The following HDAC9 variants were observed in gnomAD, a reference collection of about 807,000 sequenced individuals.
The protein encoded by HDAC9 is histone deacetylase 9, also known as MEF-2 interacting transcription repressor (MITR) protein.
A neutral mutation model predicts 139.4 loss-of-function variants in HDAC9; 41 were observed. That is an observed-to-expected ratio of 0.29 (90% CI 0.23 to 0.38). HDAC9 has a LOEUF of 0.38. Ranked by LOEUF, HDAC9 falls within the 10% of genes least tolerant of loss-of-function variation. The pLI is 1.00. For missense variants in HDAC9, 1,147 were observed against 1,297.0 expected (o/e 0.88, Z 1.78); for synonymous variants, 517 against 476.2 (o/e 1.09, Z -1.12).
intron 11 of HDAC9, among the ~76,000 whole-genome samples, chr7:18,649,401 A>G (rs1240705190): frequency 6.6e-6 from 1 of 152,130 alleles, no homozygotes; most frequent in Middle Eastern, 3.2e-3. Flanking sequence ...TTGCTGTGGT[A>G]GGCTTAAAAA....
At chr7:18,988,642 T>C (rs534669737) in intron 25 of HDAC9, among the ~76,000 whole-genome samples, 1 of 152,168 alleles carries the variant, frequency 6.6e-6, no homozygotes, top group Non-Finnish European at 1.5e-5. Flanking sequence ...CTCATTGATC[T>C]GTCTAATGTT....
intron 1 of HDAC9, among the ~76,000 whole-genome samples, chr7:18,450,728 T>C (rs1649786724): frequency 6.6e-6 from 1 of 152,218 alleles, no homozygotes; most frequent in South Asian, 2.1e-4. Context: ...ATACTATAAC[T>C]AATATTGCTA....
At chr7:18,243,038 A>AT (rs1440316714) in intron 2 of HDAC9, among the ~76,000 whole-genome samples, 1 of 54,930 alleles carries the variant, frequency 1.8e-5, no homozygotes, top group Non-Finnish European at 3.7e-5. Context: ...ACTTATCAAA[A>AT]TATTAACTGA....
intron 2 of HDAC9, among the ~76,000 whole-genome samples, chr7:18,175,786 T>A (rs1788851223): frequency 7.3e-6 from 1 of 137,740 alleles, no homozygotes; most frequent in Non-Finnish European, 1.6e-5. Context: ...CCCCCTTTTT[T>A]TAGAATAACT....
chr7:18,960,037 C>CACACACACAG (rs947393833), intron 24 of HDAC9, among the ~76,000 whole-genome samples: 2 of 143,288 alleles, frequency 1.4e-5, no homozygotes, highest in African/African-American at 5.1e-5. Context: ...CACACACACA[C>CACACACACAG]ACACAGAGTA....
chr7:18,761,227 C>G (rs896976508), intron 14 of HDAC9, among the ~76,000 whole-genome samples: 1 of 152,146 alleles, frequency 6.6e-6, no homozygotes, highest in Non-Finnish European at 1.5e-5. Context: ...AGGAATGTAG[C>G]CAGAAAGAAC....
chr7:18,633,839 TAATA>T (rs1268919300), intron 7 of HDAC9, among the ~76,000 whole-genome samples: 8 of 152,118 alleles, frequency 5.3e-5, no homozygotes, highest in African/African-American at 1.7e-4. Flanking sequence ...TTAAATGTTT[TAATA>T]AATGCATTAG....
At chr7:18,143,126 T>TC (rs1308264542) in intron 1 of HDAC9, among the ~76,000 whole-genome samples, 1 of 152,126 alleles carries the variant, frequency 6.6e-6, no homozygotes, top group African/African-American at 2.4e-5. Context: ...GGCAAAGATC[T>TC]CCCCCTGCTT....
At chr7:18,616,234 C>G (rs537665951) in intron 6 of HDAC9, among the ~76,000 whole-genome samples, 28 of 152,290 alleles carry the variant, frequency 1.8e-4, no homozygotes, top group Non-Finnish European at 4.1e-4. Context: ...GTGATACAGT[C>G]ACAAATTCTG....
At chr7:18,643,649 G>A (rs1786441243) in intron 8 of HDAC9, among the ~76,000 whole-genome samples, 1 of 151,970 alleles carries the variant, frequency 6.6e-6, no homozygotes, top group Non-Finnish European at 1.5e-5. Context: ...TTTGTCCAGG[G>A]GAAAATCTAC....
intron 21 of HDAC9, among the ~76,000 whole-genome samples, chr7:18,840,845 C>T (rs1273104251): frequency 3.3e-5 from 5 of 152,066 alleles, no homozygotes; most frequent in Admixed American, 3.3e-4. Flanking sequence ...GTCAAAGTGG[C>T]AATTCTGTTC....
chr7:18,817,323 C>T (rs867966149), intron 17 of HDAC9, among the ~76,000 whole-genome samples: 31 of 152,082 alleles, frequency 2.0e-4, no homozygotes, highest in African/African-American at 6.5e-4. Flanking sequence ...CGTGAGCCAC[C>T]GCGCCCGGCC....
intron 2 of HDAC9, among the ~76,000 whole-genome samples, chr7:18,257,418 CACACACACACACACACACAA>C (rs1795343477): frequency 6.6e-6 from 1 of 150,714 alleles, no homozygotes; most frequent in African/African-American, 2.4e-5. Flanking sequence ...CACACACACA[CACACACACACACACACACAA>C]AAAGAAAAAA....
chr7:18,435,997 T>C (rs1231527136), intron 1 of HDAC9, among the ~76,000 whole-genome samples: 2 of 150,938 alleles, frequency 1.3e-5, no homozygotes, highest in African/African-American at 4.8e-5. Flanking sequence ...GTATTTTTTA[T>C]TGAAGAGGCG....
chr7:18,372,703 G>A (rs1197048486), intron 1 of HDAC9, among the ~76,000 whole-genome samples: 2 of 152,198 alleles, frequency 1.3e-5, no homozygotes, highest in African/African-American at 4.8e-5. Flanking sequence ...TCTAGTCTGT[G>A]ATCTACCAGG....
chr7:18,892,778 A>T (rs537450876), intron 22 of HDAC9: 3 of 152,198 alleles, frequency 2.0e-5, no homozygotes, highest in Non-Finnish European at 2.9e-5. Context: ...CTGAAGGCTC[A>T]GGAAGGTATA....
At chr7:18,982,404 G>T (rs1785013840) in intron 25 of HDAC9, among the ~76,000 whole-genome samples, 1 of 151,928 alleles carries the variant, frequency 6.6e-6, no homozygotes, top group Non-Finnish European at 1.5e-5. Flanking sequence ...GTCTGTATTA[G>T]TAGACTCATA....
intron 12 of HDAC9, chr7:18,668,812 T>C: frequency 1.0e-6 from 1 of 983,280 alleles, no homozygotes; most frequent in Non-Finnish European, 1.2e-6. Context: ...TATAAGTCTC[T>C]TCCTTTCTCA....
chr7:18,156,943 G>T (rs1342648035), intron 1 of HDAC9, among the ~76,000 whole-genome samples: 1 of 152,214 alleles, frequency 6.6e-6, no homozygotes, highest in East Asian at 1.9e-4. Flanking sequence ...AAAATGTTAG[G>T]TGGGCGTGGT....
Sources: allele counts gnomAD v4.1 joint callset (sites outside exome capture counted in the v4.1 genomes callset), GRCh38; gene constraint gnomAD v4.1.1; transcripts MANE v1.5; gene names NCBI Gene and HGNC (gene_info 2026-07-23, HGNC 2026-07-21).